Variants in PPM1L observed in about 807,000 individuals in gnomAD.
PPM1L encodes protein phosphatase 1L.
In PPM1L, 13 loss-of-function variants were observed where a neutral mutation model predicts 31.4. The ratio of observed to expected loss-of-function variants is 0.41; its 90% confidence interval spans 0.27 to 0.66. The LOEUF is 0.66. Ranked by LOEUF, PPM1L falls within the 30% of genes least tolerant of loss-of-function variation. The pLI is 0.29. For missense variants in PPM1L, 326 were observed against 453.7 expected, an observed-to-expected ratio of 0.72 and a Z score of 2.56; for synonymous variants, 184 against 175.4, an observed-to-expected ratio of 1.05 and a Z score of -0.39.
chr3:161,036,372 C>G (rs2108085094), intron 2 of PPM1L, among the ~76,000 whole-genome samples: 1 of 152,302 alleles, frequency 6.6e-6, no homozygotes, highest in East Asian at 1.9e-4. Flanking sequence ...ATCTTCTCTT[C>G]TTAATACCTC....
intron 1 of PPM1L, among the ~76,000 whole-genome samples, chr3:160,956,018 C>G (rs940087788): frequency 6.6e-6 from 1 of 151,994 alleles, no homozygotes; most frequent in Non-Finnish European, 1.5e-5. Flanking sequence ...TTTGCACCAC[C>G]CCACCTGAAT....
chr3:160,838,091 C>T (rs1324113609), intron 1 of PPM1L, among the ~76,000 whole-genome samples: 1 of 152,140 alleles, frequency 6.6e-6, no homozygotes, highest in Non-Finnish European at 1.5e-5. Context: ...GGTGGTGTCT[C>T]TTCTGATTGA....
intron 2 of PPM1L, among the ~76,000 whole-genome samples, chr3:160,981,441 T>C (rs992825833): frequency 6.6e-6 from 1 of 152,318 alleles, no homozygotes; most frequent in Non-Finnish European, 1.5e-5. Flanking sequence ...GTGTGAGTGA[T>C]GTAAGAGACA....
At chr3:160,937,981 G>T (rs1715035613) in intron 1 of PPM1L, among the ~76,000 whole-genome samples, 1 of 152,192 alleles carries the variant, frequency 6.6e-6, no homozygotes, top group African/African-American at 2.4e-5. Flanking sequence ...GACCTCAAGA[G>T]TGCTTGTCCT....
intron 1 of PPM1L, among the ~76,000 whole-genome samples, chr3:160,913,302 TTGGTGTAGA>T (rs2108064434): frequency 6.6e-6 from 1 of 152,306 alleles, no homozygotes; most frequent in South Asian, 2.1e-4. Flanking sequence ...CTAGCCCACC[TTGGTGTAGA>T]CAGTGAACCC....
intron 2 of PPM1L, among the ~76,000 whole-genome samples, chr3:160,972,482 G>A (rs1345248223): frequency 6.6e-6 from 1 of 151,786 alleles, no homozygotes; most frequent in African/African-American, 2.4e-5. Context: ...AGTTTGCTGA[G>A]AATAATGGTT....
chr3:160,943,336 C>G (rs1715221292), intron 1 of PPM1L, among the ~76,000 whole-genome samples: 1 of 152,122 alleles, frequency 6.6e-6, no homozygotes, highest in Non-Finnish European at 1.5e-5. Flanking sequence ...CATTTTGAAG[C>G]ATTTTCATCA....
At chr3:160,983,069 T>TTAGAGATG (rs1323288997) in intron 2 of PPM1L, among the ~76,000 whole-genome samples, 1 of 152,206 alleles carries the variant, frequency 6.6e-6, no homozygotes, top group Non-Finnish European at 1.5e-5. Flanking sequence ...CTTCACAGAA[T>TTAGAGATG]TAGAGATGCA....
chr3:161,006,145 T>C (rs75083867), intron 2 of PPM1L, among the ~76,000 whole-genome samples: 3,643 of 152,282 alleles, frequency 0.024, 117 homozygotes, highest in African/African-American at 0.068. Context: ...AAATGTGATA[T>C]ATACATACAA....
chr3:160,875,430 G>C (rs1017056591), intron 1 of PPM1L, among the ~76,000 whole-genome samples: 1 of 152,172 alleles, frequency 6.6e-6, no homozygotes, highest in Admixed American at 6.5e-5. Context: ...CTAAGATGTT[G>C]CTTGGTAGTC....
chr3:160,991,085 A>C (rs1384963098), intron 2 of PPM1L, among the ~76,000 whole-genome samples: 1 of 151,924 alleles, frequency 6.6e-6, no homozygotes, highest in Non-Finnish European at 1.5e-5. Context: ...GAGCTAAAAA[A>C]AAAAAAAAGA....
At chr3:160,892,202 G>A (rs1222439520) in intron 1 of PPM1L, among the ~76,000 whole-genome samples, 1 of 152,174 alleles carries the variant, frequency 6.6e-6, no homozygotes. Flanking sequence ...TTGGCTCACA[G>A]TTCTGTAGGC....
At chr3:160,861,339 T>C (rs1476017667) in intron 1 of PPM1L, among the ~76,000 whole-genome samples, 1 of 152,160 alleles carries the variant, frequency 6.6e-6, no homozygotes, top group African/African-American at 2.4e-5. Flanking sequence ...AGCTTTAACA[T>C]GAGAAAGCCG....
chr3:160,945,825 G>A (rs999916814), intron 1 of PPM1L, among the ~76,000 whole-genome samples: 2 of 152,044 alleles, frequency 1.3e-5, no homozygotes, highest in Non-Finnish European at 2.9e-5. Flanking sequence ...AGACCTTTAT[G>A]ATGATCCACT....
At chr3:160,843,423 CTTTTATATATATAT>C (rs1195906512) in intron 1 of PPM1L, among the ~76,000 whole-genome samples, 7 of 28,544 alleles carry the variant, frequency 2.5e-4, no homozygotes, top group African/African-American at 7.7e-4. Flanking sequence ...TATGGCAATT[CTTTTATATATATAT>C]ATATATATAT....
chr3:160,805,943 G>A (rs1170216707), intron 1 of PPM1L, among the ~76,000 whole-genome samples: 4 of 152,016 alleles, frequency 2.6e-5, no homozygotes, highest in Non-Finnish European at 4.4e-5. Flanking sequence ...TGTCAATATT[G>A]AGCCCATATT....
chr3:160,931,977 AG>A (rs977919479), intron 1 of PPM1L, among the ~76,000 whole-genome samples: 1 of 138,220 alleles, frequency 7.2e-6, no homozygotes, highest in African/African-American at 2.4e-5. Context: ...GCTCTTGCAG[AG>A]GAGTCATTCT....
chr3:160,920,578 C>A (rs1335918302), intron 1 of PPM1L, among the ~76,000 whole-genome samples: 6 of 143,062 alleles, frequency 4.2e-5, no homozygotes, highest in Non-Finnish European at 6.0e-5. Context: ...TGCACTTATG[C>A]ATTTAGTTTC....
At chr3:160,978,550 C>T (rs1420932939) in intron 2 of PPM1L, among the ~76,000 whole-genome samples, 1 of 152,158 alleles carries the variant, frequency 6.6e-6, no homozygotes, top group Non-Finnish European at 1.5e-5. Context: ...AAGCTGAGGG[C>T]CAGGCACAGT....
Sources: allele counts gnomAD v4.1 joint callset (sites outside exome capture counted in the v4.1 genomes callset), GRCh38; gene constraint gnomAD v4.1.1; transcripts MANE v1.5; gene names NCBI Gene and HGNC (gene_info 2026-07-23, HGNC 2026-07-21).